KCNN2: variants seen among roughly 807,000 people sequenced by gnomAD.
The protein encoded by KCNN2 is small conductance calcium-activated potassium channel protein 2.
A neutral mutation model predicts 55.5 loss-of-function variants in KCNN2; 24 were observed. That is an observed-to-expected ratio of 0.43 (90% CI 0.31 to 0.61). The LOEUF is 0.61. KCNN2 is among the 20% of genes least tolerant of loss of function. KCNN2 has a pLI of 0.08. For missense variants in KCNN2, 754 were observed against 853.6 expected (o/e 0.88, Z 1.45); for synonymous variants, 431 against 336.1 (o/e 1.28, Z -3.09).
intron 3 of KCNN2, among the ~76,000 whole-genome samples, chr5:114,428,842 T>G (rs1759704222): frequency 1.3e-5 from 2 of 152,142 alleles, no homozygotes; most frequent in African/African-American, 4.8e-5. Flanking sequence ...CCTTTCAGAT[T>G]GGCTTCTTTC....
At chr5:114,159,063 G>C (rs1752705340) in intron 1 of KCNN2, among the ~76,000 whole-genome samples, 1 of 152,078 alleles carries the variant, frequency 6.6e-6, no homozygotes, top group Admixed American at 6.6e-5. Flanking sequence ...GGTGAGAGAG[G>C]GCATCCTGTC....
chr5:114,088,783 C>T (rs563729772), intron 1 of KCNN2, among the ~76,000 whole-genome samples: 48 of 152,122 alleles, frequency 3.2e-4, no homozygotes, highest in African/African-American at 1.1e-3. Flanking sequence ...CCATTATCAG[C>T]TAATTTTTTG....
intron 1 of KCNN2, among the ~76,000 whole-genome samples, chr5:114,077,783 G>A (rs777775791): frequency 6.6e-6 from 1 of 152,168 alleles, no homozygotes; most frequent in Non-Finnish European, 1.5e-5. Context: ...GAAAATTGGA[G>A]AACATTTCTC....
chr5:114,161,100 T>C (rs1752767780), intron 1 of KCNN2, among the ~76,000 whole-genome samples: 1 of 152,178 alleles, frequency 6.6e-6, no homozygotes, highest in East Asian at 1.9e-4. Flanking sequence ...TTCCTAGCCT[T>C]GATGGTTTTC....
At chr5:114,180,960 A>G (rs983265980) in intron 1 of KCNN2, among the ~76,000 whole-genome samples, 3 of 152,194 alleles carry the variant, frequency 2.0e-5, no homozygotes, top group Non-Finnish European at 2.9e-5. Context: ...TGTTACATGT[A>G]TGAGTAGTTG....
chr5:114,176,317 A>G (rs1484151598), intron 1 of KCNN2, among the ~76,000 whole-genome samples: 1 of 152,176 alleles, frequency 6.6e-6, no homozygotes, highest in Admixed American at 6.6e-5. Flanking sequence ...AACGCTTATA[A>G]TCATAAGTTT....
At chr5:114,285,889 G>A (rs1755734938) in intron 2 of KCNN2, among the ~76,000 whole-genome samples, 1 of 150,144 alleles carries the variant, frequency 6.7e-6, no homozygotes, top group Non-Finnish European at 1.5e-5. Flanking sequence ...AGATTTTTAA[G>A]GTTCTGAGGC....
chr5:114,495,783 C>T, intron 7 of KCNN2, 112 bp from the exon 8 acceptor site: 2 of 939,414 alleles, frequency 2.1e-6, no homozygotes, highest in Non-Finnish European at 3.3e-6. Flanking sequence ...TTAGCTGACA[C>T]CCCTGTTACA....
At chr5:114,059,419 G>A (rs2112507748) in intron 1 of KCNN2, among the ~76,000 whole-genome samples, 1 of 152,296 alleles carries the variant, frequency 6.6e-6, no homozygotes, top group South Asian at 2.1e-4. Context: ...AATGTGGGAA[G>A]TATGAGCATA....
intron 2 of KCNN2, among the ~76,000 whole-genome samples, chr5:114,277,737 C>G (rs973198842): frequency 2.4e-4 from 36 of 152,142 alleles, no homozygotes; most frequent in Non-Finnish European, 7.3e-5. Flanking sequence ...AGCCATTTGT[C>G]TAACCTTTTT....
intron 2 of KCNN2, among the ~76,000 whole-genome samples, chr5:114,292,965 AG>A (rs1357058569): frequency 6.6e-6 from 1 of 152,130 alleles, no homozygotes; most frequent in Admixed American, 6.5e-5. Context: ...TGTGAATGGG[AG>A]TTTACTCATG....
intron 2 of KCNN2, among the ~76,000 whole-genome samples, chr5:114,316,962 C>T (rs900289156): frequency 6.6e-5 from 10 of 152,188 alleles, no homozygotes; most frequent in African/African-American, 2.2e-4. Context: ...GAATAAATTC[C>T]AAACCTTGAG....
rs542245120 is a variant in KCNN2 at position 114,274,880 on chromosome 5, G to A, written c.-185+53315G>A. Among the ~76,000 whole-genome samples the A allele has an allele frequency of 2.5e-4, 38 of 152,284 alleles. No individual in the cohort carries two copies. In the South Asian group the frequency reaches 5.4e-3, roughly 22 times the overall value. On this transcript the variant is annotated intron_variant, in intron 2 of 10. Transcript: ENST00000512097. Reference sequence around the variant, plus strand: ...AGAACTTCCAACACTATGTTGAATAGGAGTGGTGAGAGAGGGCATCCTTGT... The same window carrying A: ...AGAACTTCCAACACTATGTTGAATAAGAGTGGTGAGAGAGGGCATCCTTGT...
At chr5:114,449,503 C>T (rs887049073) in intron 3 of KCNN2, among the ~76,000 whole-genome samples, 12 of 152,144 alleles carry the variant, frequency 7.9e-5, no homozygotes, top group Admixed American at 7.9e-4. Flanking sequence ...GTTTTGTTAT[C>T]TCCGTGCTCA....
chr5:114,422,977 TA>T (rs1759513852), intron 3 of KCNN2, among the ~76,000 whole-genome samples: 1 of 152,214 alleles, frequency 6.6e-6, no homozygotes, highest in African/African-American at 2.4e-5. Context: ...ATGTGGCAAA[TA>T]AAGTTAAAAC....
chr5:114,342,305 G>A (rs900841100), intron 2 of KCNN2, among the ~76,000 whole-genome samples: 5 of 152,126 alleles, frequency 3.3e-5, no homozygotes, highest in African/African-American at 1.2e-4. Context: ...AAGGAGCTGT[G>A]AGGATAATCA....
intron 2 of KCNN2, among the ~76,000 whole-genome samples, chr5:114,402,827 C>A (rs1473087061): frequency 6.6e-6 from 1 of 152,112 alleles, no homozygotes; most frequent in Non-Finnish European, 1.5e-5. Context: ...TGAGAGTTTA[C>A]CTGGACAGGA....
At chr5:114,207,257 C>T (rs1753795371) in intron 1 of KCNN2, among the ~76,000 whole-genome samples, 1 of 152,186 alleles carries the variant, frequency 6.6e-6, no homozygotes, top group African/African-American at 2.4e-5. Context: ...TTATTCTCCC[C>T]TGACAGTGTC....
intron 1 of KCNN2, among the ~76,000 whole-genome samples, chr5:114,201,258 C>T (rs1275762963): frequency 1.3e-5 from 2 of 151,948 alleles, no homozygotes. Context: ...TCTCCTTTAT[C>T]CCTCCACTAA....
Sources: gnomAD v4.1 joint callset for allele counts (sites outside exome capture counted in the v4.1 genomes callset) on GRCh38, gnomAD v4.1.1 for gene constraint, MANE v1.5 for transcripts, NCBI Gene and HGNC (gene_info 2026-07-23, HGNC 2026-07-21) for gene names.